The following MACROD2 variants were observed in gnomAD, a reference collection of about 807,000 sequenced individuals.
The protein encoded by MACROD2 is ADP-ribose glycohydrolase MACROD2.
A neutral mutation model predicts 70.4 loss-of-function variants in MACROD2; 36 were observed. The ratio of observed to expected loss-of-function variants is 0.51; its 90% CI spans 0.39 to 0.68. The LOEUF (loss-of-function observed/expected upper bound fraction) is 0.68. MACROD2 is among the 30% of genes least tolerant of loss of function. The pLI, the probability that MACROD2 is intolerant of heterozygous loss-of-function variation, is 0.00. For synonymous variants in MACROD2, 172 were observed against 178.8 expected (o/e 0.96, Z 0.30); for missense variants, 496 against 538.4 (o/e 0.92, Z 0.78).
chr20:15,190,676 G>C (rs2076564391), intron 5 of MACROD2, among the ~76,000 whole-genome samples: 1 of 152,130 alleles, frequency 6.6e-6, no homozygotes, highest in Non-Finnish European at 1.5e-5. Flanking sequence ...ATGCCCTGTG[G>C]GGCCACACAG....
intron 9 of MACROD2, among the ~76,000 whole-genome samples, chr20:15,880,337 T>A (rs542565585): frequency 6.6e-6 from 1 of 152,096 alleles, no homozygotes; most frequent in South Asian, 2.1e-4. Context: ...GTCCACATGT[T>A]TTTACAGATG....
At position 15,995,358 on chromosome 20, in the gene MACROD2, A is replaced by T. The variant is rs28672081; in HGVS notation, c.1153+8200A>T. On this transcript the variant is annotated intron_variant, in intron 15 of 17. Coordinates refer to ENST00000684519, the MANE Select transcript of MACROD2 (RefSeq NM_001351661.2). ...TTTAACTTTTTATTTTATTATTATT[A>T]TTTTTTTTGGAGATGGAGTCTCGCT... 0.015 allele frequency among the ~76,000 whole-genome samples: 2,092 copies of T among 144,212 alleles called. 177 individuals carry two copies. In the East Asian group the frequency reaches 0.23, roughly 16 times the overall value. 94.6% of individuals were successfully genotyped at this position (144,212 alleles called of 152,430 possible).
chr20:14,132,853 C>T (rs1339367418), intron 3 of MACROD2, among the ~76,000 whole-genome samples: 3 of 151,896 alleles, frequency 2.0e-5, no homozygotes, highest in African/African-American at 7.3e-5. Context: ...GTTGCCCAGG[C>T]TGGTCTCGAA....
chr20:15,220,253 C>A (rs764589030), intron 5 of MACROD2, among the ~76,000 whole-genome samples: 55 of 152,180 alleles, frequency 3.6e-4, no homozygotes, highest in Non-Finnish European at 1.9e-4. Context: ...TTTCTCTAAT[C>A]TGGTACATCA....
At chr20:15,569,204 G>A (rs1283030936) in intron 8 of MACROD2, among the ~76,000 whole-genome samples, 2 of 152,220 alleles carry the variant, frequency 1.3e-5, no homozygotes, top group Non-Finnish European at 2.9e-5. Context: ...GTGTAGAAAA[G>A]TTTGCATTTT....
intron 13 of MACROD2, 45 bp downstream of exon 13, chr20:15,967,675 G>GAAA: frequency 9.3e-6 from 6 of 646,722 alleles, no homozygotes; most frequent in South Asian, 5.4e-5. Flanking sequence ...CTTCTGCTGG[G>GAAA]AAACAGAAAA....
intron 8 of MACROD2, among the ~76,000 whole-genome samples, chr20:15,733,838 T>A (rs903393978): frequency 1.3e-5 from 2 of 152,242 alleles, no homozygotes; most frequent in African/African-American, 4.8e-5. Context: ...TGAATTCAAC[T>A]TCTTTCACCT....
chr20:15,932,037 T>G (rs1005583642), intron 10 of MACROD2, among the ~76,000 whole-genome samples: 2 of 152,156 alleles, frequency 1.3e-5, no homozygotes, highest in Non-Finnish European at 2.9e-5. Context: ...GATTCAGTCC[T>G]GCTTGTGGGT....
At chr20:15,231,891 C>T (rs1297647602) in intron 6 of MACROD2, among the ~76,000 whole-genome samples, 3 of 151,954 alleles carry the variant, frequency 2.0e-5, no homozygotes. Flanking sequence ...TAAGGCTGAA[C>T]TGAATTCATC....
intron 8 of MACROD2, among the ~76,000 whole-genome samples, chr20:15,752,479 A>T (rs1310287514): frequency 6.6e-6 from 1 of 152,064 alleles, no homozygotes; most frequent in Non-Finnish European, 1.5e-5. Context: ...TACAAACCAC[A>T]TACACATGAA....
At chr20:15,440,357 A>G (rs964031046) in intron 7 of MACROD2, among the ~76,000 whole-genome samples, 5 of 152,146 alleles carry the variant, frequency 3.3e-5, no homozygotes, top group African/African-American at 9.7e-5. Flanking sequence ...TGTTTATCCA[A>G]TATAGTTTTG....
chr20:15,548,770 C>A (rs761359208), intron 8 of MACROD2, among the ~76,000 whole-genome samples: 12 of 152,168 alleles, frequency 7.9e-5, no homozygotes, highest in South Asian at 2.1e-4. Flanking sequence ...AAAGGCCATA[C>A]TATCCTTGGT....
intron 2 of MACROD2, among the ~76,000 whole-genome samples, chr20:14,055,507 CA>C (rs4052606): frequency 0.15 from 14,975 of 103,126 alleles, 1,432 homozygotes; most frequent in African/African-American, 0.34. Context: ...GTTTCAGGAG[CA>C]AAAAAAAAAA....
intron 11 of MACROD2, among the ~76,000 whole-genome samples, chr20:15,934,450 A>G (rs2065626946): frequency 6.6e-6 from 1 of 152,188 alleles, no homozygotes; most frequent in African/African-American, 2.4e-5. Context: ...TAGTCCTTGC[A>G]ATGAAATGAA....
intron 2 of MACROD2, among the ~76,000 whole-genome samples, chr20:14,043,618 C>T (rs555809113): frequency 2.0e-5 from 3 of 152,242 alleles, no homozygotes; most frequent in African/African-American, 4.8e-5. Flanking sequence ...CTAGAAAGGC[C>T]GGTTCAGATT....
At chr20:15,815,720 T>C (rs963596643) in intron 8 of MACROD2, among the ~76,000 whole-genome samples, 1 of 152,148 alleles carries the variant, frequency 6.6e-6, no homozygotes, top group African/African-American at 2.4e-5. Context: ...CAATTATCTT[T>C]TTTAAGTTGA....
chr20:14,822,121 C>G (rs1293488748), intron 5 of MACROD2, among the ~76,000 whole-genome samples: 1 of 151,972 alleles, frequency 6.6e-6, no homozygotes, highest in Admixed American at 6.6e-5. Flanking sequence ...TTTAGAAGTG[C>G]ATTTTCTAGC....
intron 3 of MACROD2, among the ~76,000 whole-genome samples, chr20:14,354,398 G>A (rs72623534): frequency 0.017 from 2,545 of 151,968 alleles, 131 homozygotes; most frequent in East Asian, 0.11. Flanking sequence ...TGTCTTATTC[G>A]AAGAACCATT....
chr20:14,348,419 A>AT (rs1401244377), intron 3 of MACROD2, among the ~76,000 whole-genome samples: 2 of 152,136 alleles, frequency 1.3e-5, no homozygotes, highest in Non-Finnish European at 2.9e-5. Context: ...GAAGGAAGGT[A>AT]TACCAGTTCA....
Sources: gnomAD v4.1 joint callset for allele counts (sites outside exome capture counted in the v4.1 genomes callset) on GRCh38, gnomAD v4.1.1 for gene constraint, MANE v1.5 for transcripts, NCBI Gene and HGNC (gene_info 2026-07-23, HGNC 2026-07-21) for gene names.